SDCCAG8: variants seen among roughly 807,000 people sequenced by gnomAD.
SDCCAG8 encodes the protein SHH signaling and ciliogenesis regulator SDCCAG8, also known as serologically defined colon cancer antigen 8.
A neutral mutation model predicts 101.8 loss-of-function variants in SDCCAG8; 74 were observed. The observed-to-expected ratio is 0.73, with a 90% CI of 0.60 to 0.88. SDCCAG8 has a LOEUF of 0.88. SDCCAG8 is among the 40% of genes least tolerant of loss of function. SDCCAG8 has a pLI of 0.00. For missense variants in SDCCAG8, 787 were observed against 822.6 expected (o/e 0.96, Z 0.53); for synonymous variants, 281 against 292.9 (o/e 0.96, Z 0.41).
intron 5 of SDCCAG8, among the ~76,000 whole-genome samples, chr1:243,291,975 C>T (rs897144499): frequency 6.6e-6 from 1 of 152,158 alleles, no homozygotes; most frequent in East Asian, 1.9e-4. Flanking sequence ...CAGGGAAACA[C>T]TTTGCTTGCT....
rs139728708 is a variant in SDCCAG8, at chr1:243,375,483, C to T, written c.1474-3238C>T. On this transcript the variant is annotated intron_variant, in intron 12 of 17. Transcript: ENST00000366541. ...GATATAAATGAACAGCATCAAGTCTCCCTTTTCCAAATTCGATCCCCAGTA... is the reference window on the plus strand; with the variant it reads ...GATATAAATGAACAGCATCAAGTCTTCCTTTTCCAAATTCGATCCCCAGTA... Among the ~76,000 whole-genome samples the T allele has an allele frequency of 4.1e-3, 630 of 152,250 alleles. 9 individuals are homozygous for T. Among genetic ancestry groups the T allele is most frequent in the African/African-American group, 0.014 (595 of 41,558 alleles).
rs115034496 is a variant in SDCCAG8 at position 243,458,873 on chromosome 1, G to C, written c.1986-30141G>C. ...TTTTCCTACAAGGGACGTCTGATCA[G>C]TTTCTGAATTGAGTCCCAAGATACG... On this transcript the variant is annotated intron_variant, in intron 16 of 17. Transcript: ENST00000366541. The surrounding 1 kb of genome is among the most constrained non-coding windows in gnomAD (Gnocchi z 4.5). 3.5e-3 allele frequency among the ~76,000 whole-genome samples: 536 copies of C among 152,334 alleles called. 2 individuals carry two copies. The highest frequency in any genetic ancestry group is 0.012 in the African/African-American group (510 of 41,584).
intron 15 of SDCCAG8, among the ~76,000 whole-genome samples, chr1:243,418,345 A>G (rs957872948): frequency 2.0e-5 from 3 of 152,234 alleles, no homozygotes; most frequent in African/African-American, 7.2e-5. Context: ...AAGGATCAAT[A>G]TGGTAATAAC....
chr1:243,367,325 T>A (rs2077044454), intron 12 of SDCCAG8, among the ~76,000 whole-genome samples: 1 of 152,194 alleles, frequency 6.6e-6, no homozygotes, highest in Admixed American at 6.5e-5. Context: ...TGCAGTTCAT[T>A]TTGAAAGAAG....
chr1:243,299,738 C>G (rs1353416823), intron 6 of SDCCAG8, among the ~76,000 whole-genome samples: 6 of 151,824 alleles, frequency 4.0e-5, no homozygotes, highest in African/African-American at 1.2e-4. Flanking sequence ...ATTTGGGTAT[C>G]TAGACCACTG....
chr1:243,314,930 G>A (rs950758011), intron 8 of SDCCAG8, among the ~76,000 whole-genome samples: 3 of 152,146 alleles, frequency 2.0e-5, no homozygotes, highest in Admixed American at 6.5e-5. Flanking sequence ...GGCTGGTCTG[G>A]AACTCCTGAC....
intron 11 of SDCCAG8, among the ~76,000 whole-genome samples, chr1:243,341,396 C>T (rs2075376175): frequency 6.6e-6 from 1 of 152,188 alleles, no homozygotes; most frequent in South Asian, 2.1e-4. Flanking sequence ...ATGAATTAGA[C>T]ACCAGTCATG....
intron 16 of SDCCAG8, among the ~76,000 whole-genome samples, chr1:243,479,532 C>T (rs1480702005): frequency 6.6e-6 from 1 of 152,178 alleles, no homozygotes; most frequent in Non-Finnish European, 1.5e-5. Flanking sequence ...ATATTATACT[C>T]CTTTTGATTT....
At chr1:243,355,720 C>T (rs535401026) in intron 12 of SDCCAG8, among the ~76,000 whole-genome samples, 18 of 152,296 alleles carry the variant, frequency 1.2e-4, no homozygotes, top group African/African-American at 4.1e-4. Flanking sequence ...ATCATCCCGC[C>T]TCCACCTCCC....
At chr1:243,481,709 G>C (rs1663792702) in intron 16 of SDCCAG8, among the ~76,000 whole-genome samples, 2 of 152,178 alleles carry the variant, frequency 1.3e-5, no homozygotes, top group South Asian at 4.1e-4. Flanking sequence ...AATCTTAGCT[G>C]TAGTCAGAGT....
intron 13 of SDCCAG8, among the ~76,000 whole-genome samples, chr1:243,383,188 A>G (rs1157277289): frequency 2.0e-5 from 3 of 152,238 alleles, no homozygotes; most frequent in African/African-American, 4.8e-5. Context: ...AAAAGAATAA[A>G]GAAGAATGAT....
chr1:243,265,710 G>T (rs1027325043), intron 1 of SDCCAG8, among the ~76,000 whole-genome samples: 9 of 152,116 alleles, frequency 5.9e-5, no homozygotes, highest in African/African-American at 2.2e-4. Context: ...CTACTCGGGA[G>T]GCTGAGGCAG....
At chr1:243,466,318 C>T (rs976161293) in intron 16 of SDCCAG8, among the ~76,000 whole-genome samples, 3 of 152,172 alleles carry the variant, frequency 2.0e-5, no homozygotes, top group Non-Finnish European at 2.9e-5. Flanking sequence ...GAATTCAGGC[C>T]TAGAGAGGCT....
At chr1:243,345,673 C>A (rs988851818) in intron 12 of SDCCAG8, among the ~76,000 whole-genome samples, 2 of 152,104 alleles carry the variant, frequency 1.3e-5, no homozygotes, top group African/African-American at 4.8e-5. Flanking sequence ...AAAAATACAT[C>A]AGGAAAGAGT....
chr1:243,474,493 G>A lies in SDCCAG8; in HGVS notation c.1986-14521G>A, dbSNP rs1294647903. Among the ~76,000 whole-genome samples, 2 of 152,218 alleles carry A rather than the reference G, an allele frequency of 1.3e-5. No individual in the cohort carries two copies. Among genetic ancestry groups the A allele is most frequent in the Non-Finnish European group, 2.9e-5 (2 of 68,036 alleles). On this transcript the variant is annotated intron_variant, in intron 16 of 17. Transcript: ENST00000366541. The surrounding 1 kb of genome is among the most constrained non-coding windows in gnomAD (Gnocchi z 4.7). ...TATCCAGAGTCGAAGCAGCCGCCGG[G>A]AGGTCTGGGTGGGCAGGGAGGCCGA... is the stretch of plus-strand genomic sequence containing the variant.
At chr1:243,429,441 G>A (rs543933968) in intron 16 of SDCCAG8, among the ~76,000 whole-genome samples, 2 of 152,128 alleles carry the variant, frequency 1.3e-5, no homozygotes, top group Non-Finnish European at 2.9e-5. Flanking sequence ...TGTACAGGGG[G>A]TTGATGCTCC....
chr1:243,375,747 A>G (rs1042196509), intron 12 of SDCCAG8, among the ~76,000 whole-genome samples: 2 of 152,114 alleles, frequency 1.3e-5, no homozygotes, highest in Non-Finnish European at 2.9e-5. Context: ...CCAAGCTACT[A>G]TATACAGCCA....
At position 243,454,328 on chromosome 1, in the gene SDCCAG8, G is replaced by A. The variant is rs559431999; in HGVS notation, c.1985+27770G>A. Among the ~76,000 whole-genome samples, 20 of 152,212 alleles carry A rather than the reference G, an allele frequency of 1.3e-4. No homozygotes were observed. In the South Asian group the frequency reaches 4.1e-3, roughly 32 times the overall value. ...AACTGAGACACAGAGGCCAAGCAGA[G>A]CATCTGGGAACTGATTTCCACAGGC... On this transcript the variant is annotated intron_variant, in intron 16 of 17. Coordinates refer to ENST00000366541, the MANE Select transcript of SDCCAG8 (RefSeq NM_006642.5).
intron 12 of SDCCAG8, among the ~76,000 whole-genome samples, chr1:243,345,397 G>A (rs1456103572): frequency 2.0e-5 from 3 of 152,120 alleles, no homozygotes; most frequent in African/African-American, 4.8e-5. Context: ...GTTGTAATGG[G>A]TTTTACATTT....
Sources: allele counts gnomAD v4.1 joint callset (sites outside exome capture counted in the v4.1 genomes callset), GRCh38; gene constraint gnomAD v4.1.1; non-coding constraint Gnocchi (gnomAD v3.1); transcripts MANE v1.5; gene names NCBI Gene and HGNC (gene_info 2026-07-23, HGNC 2026-07-21).